PCNT: variants seen among roughly 807,000 people sequenced by gnomAD.
The protein encoded by PCNT is kendrin.
A neutral mutation model predicts 380.4 loss-of-function variants in PCNT; 319 were observed. That is an observed-to-expected ratio of 0.84 (90% CI 0.77 to 0.92). The LOEUF (loss-of-function observed/expected upper bound fraction) is 0.92. PCNT is among the 40% of genes least tolerant of loss of function. The pLI is 0.00. For missense variants in PCNT, 4,400 were observed against 4,255.3 expected (o/e 1.03, Z -0.95); for synonymous variants, 1,845 against 1,735.2 (o/e 1.06, Z -1.57).
intron 1 of PCNT, among the ~76,000 whole-genome samples, chr21:46,324,569 G>GT (rs1569149144): frequency 5.2e-5 from 2 of 38,514 alleles, no homozygotes; most frequent in South Asian, 1.2e-3. Context: ...GCGTCGGGGG[G>GT]GGTGGGGCGC....
At chr21:46,357,523 C>T (rs1322911285) in intron 13 of PCNT, among the ~76,000 whole-genome samples, 1 of 152,172 alleles carries the variant, frequency 6.6e-6, no homozygotes, top group African/African-American at 2.4e-5. Flanking sequence ...CTCACTGCAA[C>T]CTCTGCTTCC....
chr21:46,395,066 A>G (rs1349201260), intron 21 of PCNT, among the ~76,000 whole-genome samples: 1 of 152,232 alleles, frequency 6.6e-6, no homozygotes, highest in East Asian at 1.9e-4. Context: ...AGCTGCCCTC[A>G]GGCCTCGCCG....
chr21:46,353,926 A>ACCC lies in PCNT; in HGVS notation c.1680-61_1680-60insCCC, dbSNP rs2084375662. 2.2e-6 allele frequency: 3 copies of ACCC among 1,386,576 alleles called. No individual in the cohort carries two copies. In the African/African-American group the frequency reaches 4.3e-5, roughly 20 times the overall value. 85.9% of individuals were successfully genotyped at this position (1,386,576 alleles called of 1,614,324 possible). ...GTGAGCAGTCGGTCCTGGGGAGGGA[A>ACCC]TGGCGCACACATGGAAAAGGGGTAC... On this transcript the variant is annotated intron_variant, in intron 10 of 46. Coordinates refer to ENST00000359568, the MANE Select transcript of PCNT (RefSeq NM_006031.6).
In PCNT at chr21:46,391,356, A is replaced by T. The variant is rs777148375; in HGVS notation, c.4196A>T (p.Asp1399Val). ...LWSRGEATAT[D>V]AEAREAALRK... The stretch of plus-strand genomic sequence containing the variant: ...AGTCGGGGGGAGGCCACAGCCACGG[A>T]CGCCGAGGCCAGAGAAGCTGGTAAG... The change falls in exon 21 of 47, where the codon GAC becomes GTC. Residue 1399 changes from aspartate to valine, a missense_variant. Coordinates refer to ENST00000359568, the MANE Select transcript of PCNT (RefSeq NM_006031.6). The T allele has an allele frequency of 3.2e-6, 5 of 1,551,598 alleles. No individual in the cohort carries two copies. The South Asian group carries it at 4.8e-5, about 15-fold the overall frequency.
At chr21:46,442,342 A>G (rs1025312066) in intron 43 of PCNT, among the ~76,000 whole-genome samples, 155 bp from the exon 44 acceptor site, 14 of 152,048 alleles carry the variant, frequency 9.2e-5, no homozygotes, top group Admixed American at 9.2e-4. Flanking sequence ...CCGGCATGCC[A>G]GGCCCGAGTC....
chr21:46,372,596 T>A (rs1316660680), intron 15 of PCNT, among the ~76,000 whole-genome samples: 4 of 152,232 alleles, frequency 2.6e-5, no homozygotes, highest in African/African-American at 9.6e-5. Flanking sequence ...TAGGTGATTA[T>A]GGTACATATG....
rs557463240 is a variant in PCNT at position 46,406,675 on chromosome 21, T to C, written c.5115+4192T>C. ...GCAGTCATCTTTGCCCAGCTCCTTG[T>C]CTTACAGGGAAGTGGTCAGTGTTTT... is the stretch of plus-strand genomic sequence containing the variant. On this transcript the variant is annotated intron_variant, in intron 27 of 46. Transcript: ENST00000359568. Among the ~76,000 whole-genome samples, 4 of 152,376 alleles carry C rather than the reference T, an allele frequency of 2.6e-5. 1 individual carries two copies. Among genetic ancestry groups the C allele is most frequent in the African/African-American group, 9.6e-5 (4 of 41,592 alleles).
chr21:46,377,039 C>CT (rs1319620259), intron 15 of PCNT, among the ~76,000 whole-genome samples: 1 of 151,998 alleles, frequency 6.6e-6, no homozygotes, highest in Non-Finnish European at 1.5e-5. Flanking sequence ...CAGGCCGGCG[C>CT]GGGGGGCACC....
At chr21:46,427,502 C>T in intron 33 of PCNT, 120 bp from the exon 34 acceptor site, 1 of 1,094,790 alleles carries the variant, frequency 9.1e-7, no homozygotes, top group Non-Finnish European at 1.4e-6. Flanking sequence ...TAAGAGGCCT[C>T]ATTTACCCTG....
Position 46,366,659 on chromosome 21 carries a change from G to A in PCNT, c.2685G>A (p.Glu895=), listed in dbSNP as rs147302474. The change falls in exon 15 of 47, where the codon GAG becomes GAA. Residue 895 remains glutamate (E), a synonymous_variant. Coordinates refer to ENST00000359568, the MANE Select transcript of PCNT (RefSeq NM_006031.6). ...ATGCCTTCCTGCAGGAGGCCCAGGA[G>A]CAGCATGCCCGTGAGCTGCAGCTCC... ...EQDAFLQEAQ[E]QHARELQLLQ... 1.2e-6 allele frequency: 2 copies of A among 1,613,994 alleles called. No individual in the cohort carries two copies. The highest frequency in any genetic ancestry group is 2.7e-5 in the African/African-American group (2 of 75,044).
At chr21:46,399,088 G>A (rs1368293280) in intron 24 of PCNT, among the ~76,000 whole-genome samples, 1 of 149,206 alleles carries the variant, frequency 6.7e-6, no homozygotes, top group East Asian at 2.0e-4. Flanking sequence ...CAGAGTGCTG[G>A]GATTACAGGC....
chr21:46,363,834 A>G lies in PCNT; in HGVS notation c.2509A>G (p.Ser837Gly), dbSNP rs757319701. The change falls in exon 14 of 47, where the codon AGC becomes GGC. Residue 837 changes from serine (S) to glycine (G), a missense_variant. Physicochemically the swap from Ser to Gly is moderately conservative, Grantham distance 56. Coordinates refer to ENST00000359568, the MANE Select transcript of PCNT (RefSeq NM_006031.6). ...CACTTCAGACGACGCCCTGCATTGC[A>G]GCCAGTGTGGGCGGGAGCCGCCCAC... ...DLTSDDALHC[S>G]QCGREPPTAQ... The G allele has an allele frequency of 1.2e-6, 2 of 1,612,166 alleles. No homozygotes were observed. Among genetic ancestry groups the G allele is most frequent in the Admixed American group, 1.7e-5 (1 of 59,874 alleles).
At chr21:46,355,022 T>C (rs1201990333) in intron 11 of PCNT, among the ~76,000 whole-genome samples, 1 of 151,998 alleles carries the variant, frequency 6.6e-6, no homozygotes, top group African/African-American at 2.4e-5. Context: ...CCTCTGCGCG[T>C]GGGTGTGACG....
chr21:46,374,008 G>A (rs925703486), intron 15 of PCNT, among the ~76,000 whole-genome samples: 4 of 152,182 alleles, frequency 2.6e-5, no homozygotes, highest in South Asian at 2.1e-4. Context: ...GATTACAGGC[G>A]TGAGCCACTG....
chr21:46,425,028 C>T lies in PCNT; in HGVS notation c.7180-803C>T, dbSNP rs534681753. ...TCATTGCCTCATTTTGCATTTCCCT[C>T]TTTTTGGACTTTATTAGATTATTTT... is the stretch of plus-strand genomic sequence containing the variant. On this transcript the variant is annotated intron_variant, in intron 32 of 46. Transcript: ENST00000359568. This position sits in a 1 kb window ranked among gnomAD's most constrained non-coding sequence, Gnocchi z 4.2. Among the ~76,000 whole-genome samples the T allele has an allele frequency of 1.6e-4, 24 of 152,222 alleles. 2 individuals carry two copies. The highest frequency in any genetic ancestry group is 5.1e-4 in the African/African-American group (21 of 41,518).
chr21:46,388,999 G>A lies in PCNT; in HGVS notation c.3607+115G>A. 1 of 1,461,766 alleles carries A rather than the reference G, an allele frequency of 6.8e-7. No individual in the cohort carries two copies. The highest frequency in any genetic ancestry group is 1.2e-5 in the South Asian group (1 of 82,090). 90.5% of individuals were successfully genotyped at this position (1,461,766 alleles called of 1,614,324 possible). ...ATGCCCTTGGGAGCACTGCCGTCCTGGTTTCCTGCTAGTTTCCGCACTTAC... is the reference window on the plus strand; with the variant it reads ...ATGCCCTTGGGAGCACTGCCGTCCTAGTTTCCTGCTAGTTTCCGCACTTAC... On this transcript the variant is annotated intron_variant, in intron 18 of 46. Coordinates refer to ENST00000359568, the MANE Select transcript of PCNT (RefSeq NM_006031.6). This position sits in a 1 kb window ranked among gnomAD's most constrained non-coding sequence, Gnocchi z 4.2.
chr21:46,344,365 C>T (rs546582326), intron 3 of PCNT, among the ~76,000 whole-genome samples: 18 of 152,198 alleles, frequency 1.2e-4, no homozygotes, highest in Admixed American at 2.6e-4. Context: ...TGAACCACCG[C>T]GCCCGGCCCG....
At chr21:46,362,963 C>T (rs2084771629) in intron 13 of PCNT, among the ~76,000 whole-genome samples, 1 of 152,212 alleles carries the variant, frequency 6.6e-6, no homozygotes, top group Non-Finnish European at 1.5e-5. Flanking sequence ...GTTCATCCAC[C>T]CCTTGCTCAA....
chr21:46,326,488 G>T lies in PCNT; in HGVS notation c.166G>T (p.Val56Leu). Residue 56 changes from valine to leucine, a missense_variant, in exon 2 of 47, where the codon GTA (valine) becomes TTA (leucine). Physicochemically the swap from Val to Leu is conservative, Grantham distance 32. Transcript: ENST00000359568. ...VDASVQEESPVTKEDSALCGG... is the reference protein window; with the variant it reads ...VDASVQEESPLTKEDSALCGG... ...TGCGTCTGTCCAGGAGGAGAGTCCG[G>T]TAACCAAGGAGGACAGCGCACTCTG... 6.2e-7 allele frequency: 1 copy of T among 1,614,226 alleles called. No homozygotes were observed.
Sources: allele counts gnomAD v4.1 joint callset (sites outside exome capture counted in the v4.1 genomes callset), GRCh38; gene constraint gnomAD v4.1.1; non-coding constraint Gnocchi (gnomAD v3.1); transcripts MANE v1.5; gene names NCBI Gene and HGNC (gene_info 2026-07-23, HGNC 2026-07-21).